NEB: variants seen among roughly 807,000 people sequenced by gnomAD.
NEB encodes nebulin, also known as nemaline myopathy type 2.
NEB carries 512 observed loss-of-function variants against 952.2 expected under a neutral mutation model. The ratio of observed to expected loss-of-function variants is 0.54; its 90% CI spans 0.50 to 0.58. The LOEUF is 0.58. NEB is among the 20% of genes least tolerant of loss of function. The pLI is 0.00. For missense variants in NEB, 8,428 were observed against 9,231.1 expected, an observed-to-expected ratio of 0.91 and a Z score of 3.56; for synonymous variants, 2,900 against 3,149.8, an observed-to-expected ratio of 0.92 and a Z score of 2.66.
Position 151,662,329 on chromosome 2 carries a change from C to T in NEB, c.5776G>A (p.Ala1926Thr), listed in dbSNP as rs750769675. 3 of 1,584,482 alleles carry T rather than the reference C, an allele frequency of 1.9e-6. No individual in the cohort carries two copies. The highest frequency in any genetic ancestry group is 2.6e-6 in the Non-Finnish European group (3 of 1,164,266). ...MQIQSDNQYKADYADFMKGIG... is the reference protein window; with the variant it reads ...MQIQSDNQYKTDYADFMKGIG... The stretch of plus-strand genomic sequence containing the variant: ...CCCTTCATGAAGTCAGCATAGTCAG[C>T]CTTGTACTGATTCTGCAAAAGAGGA... Residue 1926 changes from alanine to threonine, a missense_variant, in exon 46 of 182, where the codon GCT becomes ACT. Transcript: ENST00000397345.
intron 27 of NEB, among the ~76,000 whole-genome samples, chr2:151,687,018 A>G (rs2099508119): frequency 6.6e-6 from 1 of 152,152 alleles, no homozygotes; most frequent in South Asian, 2.1e-4. Context: ...TCAATGAAGA[A>G]CGATACTCTA....
chr2:151,521,821 T>G (rs2082169582), intron 153 of NEB, among the ~76,000 whole-genome samples: 1 of 152,248 alleles, frequency 6.6e-6, no homozygotes, highest in Admixed American at 6.5e-5. Flanking sequence ...TGCAGCTTTT[T>G]ACAACTACTA....
At chr2:151,516,994 T>A (rs1019675558) in intron 156 of NEB, among the ~76,000 whole-genome samples, 3 of 152,234 alleles carry the variant, frequency 2.0e-5, no homozygotes, top group African/African-American at 7.2e-5. Flanking sequence ...AGAACTTTTA[T>A]CAGAGACCTG....
At chr2:151,518,287 C>T (rs929251850) in intron 156 of NEB, 31 bp downstream of exon 156, 1 of 1,474,768 alleles carries the variant, frequency 6.8e-7, no homozygotes, top group Non-Finnish European at 9.5e-7. Flanking sequence ...TGAATGTGCG[C>T]CAGAGGAAAA....
intron 48 of NEB, 32 bp from the exon 49 acceptor site, chr2:151,656,496 C>A (rs1468750719): frequency 7.1e-7 from 1 of 1,403,340 alleles, no homozygotes. Flanking sequence ...TTACACAGAG[C>A]AATTCCTTTG....
intron 156 of NEB, among the ~76,000 whole-genome samples, chr2:151,517,814 G>A (rs2078790198): frequency 6.6e-6 from 1 of 152,232 alleles, no homozygotes; most frequent in Non-Finnish European, 1.5e-5. Flanking sequence ...CCTGCATAGG[G>A]TAGCTCCATT....
intron 68 of NEB, 25 bp downstream of exon 68, chr2:151,629,514 A>G: frequency 6.4e-7 from 1 of 1,560,142 alleles, no homozygotes; most frequent in Non-Finnish European, 8.8e-7. Context: ...CCATCCATGT[A>G]AATATCTAGG....
At chr2:151,623,665 G>T (rs1349374346) in intron 71 of NEB, among the ~76,000 whole-genome samples, 1 of 152,040 alleles carries the variant, frequency 6.6e-6, no homozygotes, top group Non-Finnish European at 1.5e-5. Context: ...ATAAGAAAAA[G>T]CTAAAGTAAA....
At chr2:151,530,776 A>G in intron 145 of NEB, 1 of 404,502 alleles carries the variant, frequency 2.5e-6, no homozygotes, top group Non-Finnish European at 4.4e-6. Flanking sequence ...TCCTGGCTTG[A>G]CTGAGCCCCA....
At position 151,730,553 on chromosome 2, in the gene NEB, G is replaced by A. The variant is rs183791262; in HGVS notation, c.37-897C>T. Among the ~76,000 whole-genome samples, 683 of 149,678 alleles carry A rather than the reference G, an allele frequency of 4.6e-3. 6 individuals carry two copies. Among genetic ancestry groups the A allele is most frequent in the Non-Finnish European group, 4.8e-3 (327 of 67,732 alleles). The stretch of plus-strand genomic sequence containing the variant: ...CTCTGTAGGGTGAACAGAAGGAGAG[G>A]CTCGTTTAGGCCAAGCACATGAGGA... On this transcript the variant is annotated intron_variant, in intron 3 of 181. Transcript: ENST00000397345.
Position 151,696,231 on chromosome 2 carries a change from C to T in NEB, c.1569+406G>A, listed in dbSNP as rs80240836. Among the ~76,000 whole-genome samples, 1,330 of 152,234 alleles carry T rather than the reference C, an allele frequency of 8.7e-3. 27 individuals are homozygous for T. The highest frequency in any genetic ancestry group is 0.062 in the East Asian group (323 of 5,186). Reference sequence around the variant, plus strand: ...AGAGAGAAATTCATGTACTGAATACCTGCTGTTGGCCAGGGTATGTGCAGT... The same window carrying T: ...AGAGAGAAATTCATGTACTGAATACTTGCTGTTGGCCAGGGTATGTGCAGT... On this transcript the variant is annotated intron_variant, in intron 17 of 181. Transcript: ENST00000397345.
At position 151,537,974 on chromosome 2, in the gene NEB, T is replaced by C. The variant is rs2093442676; in HGVS notation, c.21000A>G (p.Ile7000Met). Residue 7000 changes from isoleucine (I) to methionine (M), a missense_variant and splice_region_variant, in exon 140 of 182, where the codon ATA becomes ATG. Coordinates refer to ENST00000397345, the MANE Select transcript of NEB (RefSeq NM_001164508.2). ...HRKVTDDISK[I>M]KYKENYMSQL... The stretch of plus-strand genomic sequence containing the variant: ...GGCTCATGTAGTTCTCCTTGTATTT[T>C]ATCTGTTATAAAAAACACAAAGACA... 1 of 1,611,530 alleles carries C rather than the reference T, an allele frequency of 6.2e-7. No individual in the cohort carries two copies. Among genetic ancestry groups the C allele is most frequent in the Admixed American group, 1.7e-5 (1 of 59,934 alleles).
chr2:151,550,956 T>TATTATC (rs2095288396), intron 129 of NEB, among the ~76,000 whole-genome samples: 1 of 147,334 alleles, frequency 6.8e-6, no homozygotes, highest in Admixed American at 6.8e-5. Flanking sequence ...AAATTATTAT[T>TATTATC]ATTATTATTA....
chr2:151,499,415 GA>G, intron 168 of NEB, 25 bp from the exon 169 acceptor site: 7 of 1,354,190 alleles, frequency 5.2e-6, no homozygotes, highest in Non-Finnish European at 7.2e-6. Flanking sequence ...AAAGCATCCA[GA>G]AAAAACAAGA....
intron 8 of NEB, 138 bp downstream of exon 8, chr2:151,724,122 A>C: frequency 1.4e-6 from 1 of 699,632 alleles, no homozygotes; most frequent in Non-Finnish European, 2.4e-6. Flanking sequence ...CTATCCCTGC[A>C]GTCTCACATG....
At chr2:151,564,378 C>T (rs1371900233) in intron 117 of NEB, among the ~76,000 whole-genome samples, 1 of 152,106 alleles carries the variant, frequency 6.6e-6, no homozygotes, top group Admixed American at 6.5e-5. Flanking sequence ...TGGTCTAACT[C>T]CTGACCTCAG....
chr2:151,522,795 G>A (rs1302269084), intron 153 of NEB, among the ~76,000 whole-genome samples: 1 of 152,186 alleles, frequency 6.6e-6, no homozygotes, highest in African/African-American at 2.4e-5. Flanking sequence ...GTCATAAGAT[G>A]CAGCGCCGTG....
At chr2:151,523,080 T>A (rs1357663175) in intron 153 of NEB, among the ~76,000 whole-genome samples, 3 of 152,224 alleles carry the variant, frequency 2.0e-5, no homozygotes, top group African/African-American at 7.2e-5. Flanking sequence ...TCGTTTGTTT[T>A]TAAATTATAA....
intron 9 of NEB, among the ~76,000 whole-genome samples, chr2:151,717,820 GC>G (rs2099763201): frequency 6.7e-6 from 1 of 149,636 alleles, no homozygotes; most frequent in Non-Finnish European, 1.5e-5. Context: ...TAAACCCCCA[GC>G]CTTGGATCGA....
Sources: gnomAD v4.1 joint callset for allele counts (sites outside exome capture counted in the v4.1 genomes callset) on GRCh38, gnomAD v4.1.1 for gene constraint, MANE v1.5 for transcripts, NCBI Gene and HGNC (gene_info 2026-07-23, HGNC 2026-07-21) for gene names.